CWF19L2: variants seen among roughly 807,000 people sequenced by gnomAD.
The protein encoded by CWF19L2 is CWF19 like cell cycle control factor 2, also known as CWF19-like protein 2.
In CWF19L2, 98 loss-of-function variants were observed where a neutral mutation model predicts 111.7. The ratio of observed to expected loss-of-function variants is 0.88; its 90% CI spans 0.75 to 1.04. The LOEUF (loss-of-function observed/expected upper bound fraction) is 1.04, where lower values mean the gene tolerates loss of function less well. Ranked by LOEUF, CWF19L2 falls within the 50% of genes least tolerant of loss-of-function variation. CWF19L2 has a pLI of 0.00. For synonymous variants in CWF19L2, 351 were observed against 342.9 expected (o/e 1.02, Z -0.26); for missense variants, 1,101 against 1,051.4 (o/e 1.05, Z -0.65).
chr11:107,433,776 A>G (rs760827893), intron 6 of CWF19L2, 27 bp from the exon 7 acceptor site: 33 of 1,100,490 alleles, frequency 3.0e-5, no homozygotes, highest in Non-Finnish European at 4.2e-5. Flanking sequence ...AATATTAGTT[A>G]TACTTTTAAT....
chr11:107,334,417 A>G (rs1040906167), intron 16 of CWF19L2, among the ~76,000 whole-genome samples: 1 of 152,246 alleles, frequency 6.6e-6, no homozygotes, highest in Non-Finnish European at 1.5e-5. Flanking sequence ...TAACTCAACT[A>G]CTATTTTATA....
rs185559209 is a variant in CWF19L2 at position 107,382,843 on chromosome 11, A to G, written c.1872+7231T>C. On this transcript the variant is annotated intron_variant, in intron 12 of 17. Coordinates refer to ENST00000282251, the MANE Select transcript of CWF19L2 (RefSeq NM_152434.3). ...CAAGGCAGGACTCTAATCTTCTCCT[A>G]CCTTTTTTATTGTGGGTCTTAAGAC... 4.7e-4 allele frequency among the ~76,000 whole-genome samples: 72 copies of G among 152,152 alleles called. No individual in the cohort carries two copies. In the East Asian group the frequency reaches 0.014, roughly 29 times the overall value.
At chr11:107,415,140 T>C (rs1000138188) in intron 10 of CWF19L2, among the ~76,000 whole-genome samples, 1 of 152,194 alleles carries the variant, frequency 6.6e-6, no homozygotes, top group African/African-American at 2.4e-5. Context: ...CTCTCATTTA[T>C]TCCACTCCAG....
intron 12 of CWF19L2, among the ~76,000 whole-genome samples, chr11:107,378,894 G>C (rs1860638040): frequency 6.6e-6 from 1 of 152,108 alleles, no homozygotes; most frequent in African/African-American, 2.4e-5. Flanking sequence ...CAGGAACAAA[G>C]AGAAGTAGAT....
intron 12 of CWF19L2, among the ~76,000 whole-genome samples, chr11:107,359,713 A>T (rs1860294361): frequency 6.6e-6 from 1 of 152,040 alleles, no homozygotes; most frequent in African/African-American, 2.4e-5. Flanking sequence ...TGAACCCAGG[A>T]GTTCAAGACC....
At chr11:107,356,780 G>A (rs1860243206) in intron 12 of CWF19L2, among the ~76,000 whole-genome samples, 1 of 152,226 alleles carries the variant, frequency 6.6e-6, no homozygotes, top group Admixed American at 6.5e-5. Flanking sequence ...GCTCATGCCT[G>A]TAATCCCAGC....
Position 107,371,083 on chromosome 11 carries a change from G to A in CWF19L2, c.1873-17347C>T, listed in dbSNP as rs1049933651. ...GGCTGGAGTGCAGTGGTGCGATCTC[G>A]GCTCACTGCAAGCTCTGCCTCCCGG... On this transcript the variant is annotated intron_variant, in intron 12 of 17. Coordinates refer to ENST00000282251, the MANE Select transcript of CWF19L2 (RefSeq NM_152434.3). Among the ~76,000 whole-genome samples, 8 of 120,490 alleles carry A rather than the reference G, an allele frequency of 6.6e-5. 1 individual carries two copies. Among genetic ancestry groups the A allele is most frequent in the East Asian group, 4.7e-4 (2 of 4,288 alleles). The allele number at this position is 120,490 out of a possible 152,430, so 79.0% of individuals were successfully genotyped here. A position where few individuals can be genotyped will look rare whatever the true frequency, so the allele number is the denominator to read the frequency against.
Position 107,369,393 on chromosome 11 carries a change from C to G in CWF19L2, c.1873-15657G>C, listed in dbSNP as rs778892272. ...CAATAAATAGTTGTTGCATTTGGAA[C>G]AAAAATACAAAAGCTAGGCTACAAT... On this transcript the variant is annotated intron_variant, in intron 12 of 17. Transcript: ENST00000282251. Among the ~76,000 whole-genome samples, 22 of 136,476 alleles carry G rather than the reference C, an allele frequency of 1.6e-4. 3 individuals are homozygous for G. Among genetic ancestry groups the G allele is most frequent in the Non-Finnish European group, 3.3e-4 (21 of 63,908 alleles). The allele number at this position is 136,476 out of a possible 152,430, so 89.5% of individuals were successfully genotyped here.
chr11:107,354,438 AT>A (rs1860205571), intron 12 of CWF19L2, among the ~76,000 whole-genome samples: 1 of 152,122 alleles, frequency 6.6e-6, no homozygotes, highest in African/African-American at 2.4e-5. Context: ...TTATTTCCTC[AT>A]TTTACAATGG....
chr11:107,456,668 G>A (rs1861859858), intron 1 of CWF19L2, among the ~76,000 whole-genome samples: 2 of 151,928 alleles, frequency 1.3e-5, no homozygotes, highest in Admixed American at 6.6e-5. Context: ...TTCCAGAAAA[G>A]GGAAAATCAT....
chr11:107,444,224 G>A (rs1405959534), intron 3 of CWF19L2, among the ~76,000 whole-genome samples: 3 of 151,464 alleles, frequency 2.0e-5, no homozygotes, highest in East Asian at 1.9e-4. Context: ...TACATGCACC[G>A]CCTTCACACT....
intron 12 of CWF19L2, among the ~76,000 whole-genome samples, chr11:107,357,611 C>T (rs953426338): frequency 1.6e-4 from 25 of 152,116 alleles, no homozygotes; most frequent in African/African-American, 5.6e-4. Flanking sequence ...TACAGTCTTG[C>T]CAATTAAGTC....
chr11:107,332,009 G>A (rs1404871047), intron 16 of CWF19L2, among the ~76,000 whole-genome samples: 1 of 152,184 alleles, frequency 6.6e-6, no homozygotes, highest in East Asian at 1.9e-4. Context: ...GGCACTGACA[G>A]AATTAAAGCA....
chr11:107,351,768 G>A (rs1475862664), intron 13 of CWF19L2, among the ~76,000 whole-genome samples: 2 of 152,126 alleles, frequency 1.3e-5, no homozygotes, highest in East Asian at 1.9e-4. Context: ...ACAGAATATG[G>A]TAGAAATGAT....
chr11:107,443,548 C>T (rs919695575), intron 3 of CWF19L2, among the ~76,000 whole-genome samples: 1 of 151,808 alleles, frequency 6.6e-6, no homozygotes, highest in African/African-American at 2.4e-5. Flanking sequence ...CCAAACACAA[C>T]CAAATTATTT....
chr11:107,382,104 C>T lies in CWF19L2; in HGVS notation c.1872+7970G>A, dbSNP rs1473580388. On this transcript the variant is annotated intron_variant, in intron 12 of 17. Coordinates refer to ENST00000282251, the MANE Select transcript of CWF19L2 (RefSeq NM_152434.3). ...TCTCTTGAAGATGTGCCTGAGTTTA[C>T]GTTGCCAAGGTAACACTGACGTCTT... Among the ~76,000 whole-genome samples, 10 of 152,202 alleles carry T rather than the reference C, an allele frequency of 6.6e-5. No individual in the cohort carries two copies. The East Asian group carries it at 1.2e-3, about 18-fold the overall frequency.
chr11:107,337,524 A>C (rs1287894891), intron 14 of CWF19L2, among the ~76,000 whole-genome samples: 2 of 152,076 alleles, frequency 1.3e-5, no homozygotes, highest in Non-Finnish European at 2.9e-5. Flanking sequence ...TACAGGATGG[A>C]GCTAGGGATC....
Position 107,326,872 on chromosome 11 carries a change from C to T in CWF19L2, c.*38G>A, listed in dbSNP as rs755269116. 16 of 1,530,822 alleles carry T rather than the reference C, an allele frequency of 1.0e-5. No homozygotes were observed. The South Asian group carries it at 1.1e-4, about 11-fold the overall frequency. 94.8% of individuals were successfully genotyped at this position (1,530,822 alleles called of 1,614,324 possible). A position where few individuals can be genotyped will look rare whatever the true frequency, so the allele number is the denominator to read the frequency against. On this transcript the variant is annotated 3_prime_UTR_variant, in exon 18 of 18. Coordinates refer to ENST00000282251, the MANE Select transcript of CWF19L2 (RefSeq NM_152434.3). The stretch of plus-strand genomic sequence containing the variant: ...TAGATGCAATGGAAATAAAACTGAA[C>T]GGGATCTGAAGAAAAATTTTAAAAT...
Position 107,439,087 on chromosome 11 carries a change from T to C in CWF19L2, c.664+3A>G, listed in dbSNP as rs1409905445. The C allele has an allele frequency of 1.3e-6, 1 of 766,924 alleles. No individual in the cohort carries two copies. The highest frequency in any genetic ancestry group is 2.0e-6 in the Non-Finnish European group (1 of 500,648). 47.5% of individuals were successfully genotyped at this position (766,924 alleles called of 1,614,324 possible). A position where few individuals can be genotyped will look rare whatever the true frequency, so the allele number is the denominator to read the frequency against. ...TGTGTCTATAATCAAAATGTAGAAA[T>C]ACCTTTAGTAATCGATGACACACTA... On this transcript the variant is annotated splice_donor_region_variant and intron_variant, in intron 6 of 17. Transcript: ENST00000282251.
Sources: allele counts gnomAD v4.1 joint callset (sites outside exome capture counted in the v4.1 genomes callset), GRCh38; gene constraint gnomAD v4.1.1; transcripts MANE v1.5; gene names NCBI Gene and HGNC (gene_info 2026-07-23, HGNC 2026-07-21).